The following GPATCH2L variants were observed in gnomAD, a reference collection of about 807,000 sequenced individuals.
The protein encoded by GPATCH2L is G-patch domain containing 2 like, also known as G patch domain-containing protein 2-like.
A neutral mutation model predicts 57.4 loss-of-function variants in GPATCH2L; 31 were observed. That is an observed-to-expected ratio of 0.54 (90% CI 0.41 to 0.73). The LOEUF (loss-of-function observed/expected upper bound fraction) is 0.73, where lower values mean the gene tolerates loss of function less well. GPATCH2L is among the 30% of genes least tolerant of loss of function. GPATCH2L has a pLI of 0.00. For synonymous variants in GPATCH2L, 199 were observed against 210.7 expected, an observed-to-expected ratio of 0.94 and a Z score of 0.48; for missense variants, 481 against 599.9, an observed-to-expected ratio of 0.80 and a Z score of 2.07.
chr14:76,233,730 C>T (rs1273086426), intron 2 of GPATCH2L, among the ~76,000 whole-genome samples: 3 of 152,186 alleles, frequency 2.0e-5, no homozygotes, highest in Non-Finnish European at 4.4e-5. Context: ...AACGATAAGT[C>T]CTTAATGTCA....
intron 8 of GPATCH2L, among the ~76,000 whole-genome samples, chr14:76,182,295 T>G (rs1396250151): frequency 7.2e-6 from 1 of 138,662 alleles, no homozygotes; most frequent in Non-Finnish European, 1.5e-5. Context: ...AGGCGGAGCT[T>G]GCAGTGAGCT....
intron 8 of GPATCH2L, among the ~76,000 whole-genome samples, chr14:76,181,084 A>T (rs1345114385): frequency 3.3e-5 from 5 of 152,192 alleles, no homozygotes; most frequent in Non-Finnish European, 5.9e-5. Context: ...CTTCTGGCTC[A>T]TATTTCATTT....
chr14:76,172,225 C>G (rs1329733872), intron 4 of GPATCH2L, among the ~76,000 whole-genome samples: 1 of 152,180 alleles, frequency 6.6e-6, no homozygotes, highest in African/African-American at 2.4e-5. Flanking sequence ...CATGGAAACT[C>G]CTGGGACATA....
intron 1 of GPATCH2L, among the ~76,000 whole-genome samples, chr14:76,228,869 G>A (rs2040548414): frequency 6.6e-6 from 1 of 152,160 alleles, no homozygotes; most frequent in African/African-American, 2.4e-5. Flanking sequence ...GGGGGGCCTG[G>A]ATATCACATC....
Position 76,195,018 on chromosome 14 carries a change from T to C in GPATCH2L, c.1194-860T>C, listed in dbSNP as rs549484640. Among the ~76,000 whole-genome samples the C allele has an allele frequency of 2.0e-5, 3 of 152,274 alleles. No homozygotes were observed. The South Asian group carries it at 6.2e-4, about 32-fold the overall frequency. ...TGTTTCATTAGAGAAGCAAGATATA[T>C]GCACACCAGTTAAACATTGCTTCAT... On this transcript the variant is annotated intron_variant, in intron 8 of 9. Coordinates refer to ENST00000261530, the MANE Select transcript of GPATCH2L (RefSeq NM_017926.4).
chr14:76,223,143 G>T, intron 1 of GPATCH2L, among the ~76,000 whole-genome samples: 1 of 151,928 alleles, frequency 6.6e-6, no homozygotes, highest in East Asian at 1.9e-4. Flanking sequence ...TCACTTTGAG[G>T]CTACCATAAT....
chr14:76,169,999 G>C (rs1201152761), intron 3 of GPATCH2L, among the ~76,000 whole-genome samples: 1 of 152,144 alleles, frequency 6.6e-6, no homozygotes, highest in Non-Finnish European at 1.5e-5. Flanking sequence ...GGGCTCAGCA[G>C]TCCATGTTTT....
intron 4 of GPATCH2L, 65 bp downstream of exon 4, chr14:76,172,084 C>A (rs903205354): frequency 9.7e-7 from 1 of 1,031,952 alleles, no homozygotes; most frequent in Non-Finnish European, 1.4e-6. Flanking sequence ...GCAATCACCC[C>A]CTAGCAAGCA....
At position 76,201,957 on chromosome 14, in the gene GPATCH2L, C is replaced by G; in HGVS notation, c.*106C>G. The stretch of plus-strand genomic sequence containing the variant: ...TCTTAATCGACATTCCCAGTCCTTT[C>G]ACCACCAGAACCAACTCCTCTTTCA... On this transcript the variant is annotated 3_prime_UTR_variant, in exon 10 of 10. Transcript: ENST00000261530. 1 of 891,688 alleles carries G rather than the reference C, an allele frequency of 1.1e-6. No homozygotes were observed. Among genetic ancestry groups the G allele is most frequent in the South Asian group, 1.9e-5 (1 of 51,944 alleles). The allele number at this position is 891,688 out of a possible 1,614,324, so 55.2% of individuals were successfully genotyped here.
chr14:76,153,006 A>T lies in GPATCH2L; in HGVS notation c.-11+1015A>T, dbSNP rs1458627113. 1.2e-5 allele frequency: 4 copies of T among 340,608 alleles called. No individual in the cohort carries two copies. The Admixed American group carries it at 1.3e-4, about 11-fold the overall frequency. 21.1% of individuals were successfully genotyped at this position (340,608 alleles called of 1,614,324 possible). On this transcript the variant is annotated intron_variant, in intron 1 of 9. Transcript: ENST00000261530. The stretch of plus-strand genomic sequence containing the variant: ...GATAAACCACTTCTTAATGCTTAAA[A>T]GAACTTGGTCTTGTTTAAATGTATG...
At chr14:76,160,442 A>T (rs973873545) in intron 2 of GPATCH2L, among the ~76,000 whole-genome samples, 2 of 152,214 alleles carry the variant, frequency 1.3e-5, no homozygotes, top group African/African-American at 2.4e-5. Context: ...AAATCGCCCT[A>T]AAACTTAGTA....
At chr14:76,181,787 T>C (rs1466317456) in intron 8 of GPATCH2L, among the ~76,000 whole-genome samples, 1 of 152,202 alleles carries the variant, frequency 6.6e-6, no homozygotes, top group Non-Finnish European at 1.5e-5. Context: ...GGCTGGACCC[T>C]AGAAGTTGTA....
At chr14:76,167,805 A>G (rs2038913466) in intron 3 of GPATCH2L, among the ~76,000 whole-genome samples, 1 of 152,178 alleles carries the variant, frequency 6.6e-6, no homozygotes, top group African/African-American at 2.4e-5. Context: ...ATACCAGGAA[A>G]GTCTGATGAG....
rs1222872694 is a variant in GPATCH2L at position 76,171,776 on chromosome 14, C to A, written c.728-67C>A. 8 of 894,000 alleles carry A rather than the reference C, an allele frequency of 8.9e-6. No individual in the cohort carries two copies. In the East Asian group the frequency reaches 1.7e-4, roughly 19 times the overall value. The allele number at this position is 894,000 out of a possible 1,614,324, so 55.4% of individuals were successfully genotyped here. On this transcript the variant is annotated intron_variant, in intron 3 of 9. Coordinates refer to ENST00000261530, the MANE Select transcript of GPATCH2L (RefSeq NM_017926.4). ...CAAAACTATGGCACTAAGAAATCAT[C>A]CCTCCCATTTGTTTTTCTCAGACCT...
rs907263524 is a variant in GPATCH2L, at chr14:76,204,967, T to G, written c.*3116T>G. 6.6e-6 allele frequency: 1 copy of G among 152,174 alleles called. No individual in the cohort carries two copies. Among genetic ancestry groups the G allele is most frequent in the African/African-American group, 2.4e-5 (1 of 41,438 alleles). The allele number at this position is 152,174 out of a possible 1,614,324, so 9.4% of individuals were successfully genotyped here. ...CTCCTGTGTTGCCTTTTGTTGTTGT[T>G]GTTGTTGTTGTTGTTTCCTAGAGAC... On this transcript the variant is annotated 3_prime_UTR_variant, in exon 10 of 10. Transcript: ENST00000261530.
intron 2 of GPATCH2L, among the ~76,000 whole-genome samples, chr14:76,166,001 C>T (rs2038818397): frequency 1.3e-5 from 2 of 152,146 alleles, no homozygotes; most frequent in African/African-American, 4.8e-5. Context: ...TGAGAAGAAA[C>T]AAAATCAACT....
intron 2 of GPATCH2L, among the ~76,000 whole-genome samples, chr14:76,233,400 T>C (rs1402370976): frequency 6.6e-6 from 1 of 152,216 alleles, no homozygotes; most frequent in African/African-American, 2.4e-5. Context: ...GATTGTCATT[T>C]GCCTTTCTGA....
intron 8 of GPATCH2L, among the ~76,000 whole-genome samples, chr14:76,182,600 AAAAAAAG>A (rs1429961987): frequency 1.1e-3 from 167 of 151,168 alleles, no homozygotes; most frequent in African/African-American, 3.8e-3. Flanking sequence ...AAAAAAAAAA[AAAAAAAG>A]AAAAGAATGT....
rs899480199 is a variant in GPATCH2L at position 76,205,556 on chromosome 14, G to A, written c.*3705G>A. ...CTTGTAGCATCCTTTGTTAAGTAAA[G>A]CACAACACCCTGGACAAGCGACTAG... On this transcript the variant is annotated 3_prime_UTR_variant, in exon 10 of 10. Transcript: ENST00000261530. The A allele has an allele frequency of 3.9e-5, 6 of 152,338 alleles. No homozygotes were observed. Among genetic ancestry groups the A allele is most frequent in the Admixed American group, 3.3e-4 (5 of 15,298 alleles). The allele number at this position is 152,338 out of a possible 1,614,324, so 9.4% of individuals were successfully genotyped here.
Sources: gnomAD v4.1 joint callset for allele counts (sites outside exome capture counted in the v4.1 genomes callset) on GRCh38, gnomAD v4.1.1 for gene constraint, MANE v1.5 for transcripts, NCBI Gene and HGNC (gene_info 2026-07-23, HGNC 2026-07-21) for gene names.